The following SARS2 variants were observed in gnomAD, a reference collection of about 807,000 sequenced individuals.
SARS2 encodes the protein serine--tRNA ligase, mitochondrial.
A neutral mutation model predicts 66.8 loss-of-function variants in SARS2; 52 were observed. The ratio of observed to expected loss-of-function variants is 0.78; its 90% CI spans 0.62 to 0.98. The LOEUF is 0.98. Ranked by LOEUF, SARS2 falls within the 50% of genes least tolerant of loss-of-function variation. The probability of loss-of-function intolerance (pLI) is 0.00; values close to 1 mark genes in which losing one functional copy is unlikely to be tolerated. For missense variants in SARS2, 673 were observed against 706.3 expected (o/e 0.95, Z 0.53); for synonymous variants, 306 against 281.4 (o/e 1.09, Z -0.87).
intron 3 of SARS2, 189 bp downstream of exon 3, chr19:38,922,049 T>C (rs1213262195): frequency 1.3e-5 from 21 of 1,559,210 alleles, no homozygotes; most frequent in Non-Finnish European, 1.7e-5. Flanking sequence ...TAGGACCAAA[T>C]ATGGAGCCAG....
intron 2 of SARS2, among the ~76,000 whole-genome samples, chr19:38,922,469 G>A (rs1974554846): frequency 6.6e-6 from 1 of 152,200 alleles, no homozygotes; most frequent in Non-Finnish European, 1.5e-5. Flanking sequence ...AGTAATCACA[G>A]CCGCAGATCC....
chr19:38,929,563 A>C (rs1974693383), intron 1 of SARS2, among the ~76,000 whole-genome samples: 1 of 55,250 alleles, frequency 1.8e-5, no homozygotes, highest in African/African-American at 1.0e-4. Flanking sequence ...ACCCTATCTC[A>C]AAAAAAAAAA....
rs1280408820 is a variant in SARS2, at chr19:38,915,880, G to A, written c.1374C>T (p.Pro458=). 6.2e-7 allele frequency: 1 copy of A among 1,613,932 alleles called. No homozygotes were observed. The highest frequency in any genetic ancestry group is 1.1e-5 in the South Asian group (1 of 91,086). ...TCTCCAGGAGCGCGATGAGAAGGCG[G>A]GGGACAGCACAGGCGGTGGCGTTCA... ...HTVNATACAV[P]RLLIALLESN... is the part of the protein sequence containing the mutation. Residue 458 remains proline, a synonymous_variant, in exon 15 of 16, where the codon CCC becomes CCT. Transcript: ENST00000221431.
chr19:38,928,834 T>C (rs1249114900), intron 1 of SARS2, among the ~76,000 whole-genome samples: 1 of 152,216 alleles, frequency 6.6e-6, no homozygotes, highest in African/African-American at 2.4e-5. Flanking sequence ...CAGATTATAA[T>C]GAGTATATCT....
chr19:38,916,237 C>T lies in SARS2; in HGVS notation c.1238G>A (p.Arg413Gln), dbSNP rs376256589. The T allele has an allele frequency of 6.8e-6, 11 of 1,613,918 alleles. No homozygotes were observed. The highest frequency in any genetic ancestry group is 3.3e-5 in the Admixed American group (2 of 60,012). The change falls in exon 13 of 16, where the codon CGA becomes CAA. Residue 413 changes from arginine (R) to glutamine (Q), a missense_variant. Arg to Gln is a conservative substitution (Grantham distance 43). Coordinates refer to ENST00000221431, the MANE Select transcript of SARS2 (RefSeq NM_017827.4). ...KFDIEAWMPG[R>Q]GRFGEVTSAS... ...AGGGCTCACCTCTCCAAAGCGGCCT[C>T]GGCCTGGCATCCAGGCCTCAATGTC...
At chr19:38,928,485 C>T (rs1335511685) in intron 1 of SARS2, 2 of 132,578 alleles carry the variant, frequency 1.5e-5, no homozygotes, top group African/African-American at 6.0e-5. Context: ...AATTAAAGAA[C>T]AAGAATGCAT....
chr19:38,926,292 T>C lies in SARS2; in HGVS notation c.276A>G (p.Thr92=), dbSNP rs1425937622. The C allele has an allele frequency of 4.4e-6, 7 of 1,603,906 alleles. No individual in the cohort carries two copies. Among genetic ancestry groups the C allele is most frequent in the Non-Finnish European group, 5.9e-6 (7 of 1,179,882 alleles). Residue 92 remains threonine, a synonymous_variant, in exon 2 of 16, where the codon ACA becomes ACG. Transcript: ENST00000221431. Reference sequence around the variant, plus strand: ...CCTGCAGCTGCCTCAGCTCCTGCCATGTCGAGATCTGGGGTGGATATAAGA... The same window carrying C: ...CCTGCAGCTGCCTCAGCTCCTGCCACGTCGAGATCTGGGGTGGATATAAGA... ...RSADLPAIIS[T]WQELRQLQEQ... is the part of the protein sequence containing the mutation.
chr19:38,930,166 G>A (rs1837917013), intron 1 of SARS2: 3 of 373,544 alleles, frequency 8.0e-6, no homozygotes, highest in South Asian at 4.0e-5. Flanking sequence ...CTGGCATGAG[G>A]TTGCAGCACG....
chr19:38,917,970 T>C lies in SARS2; in HGVS notation c.1001A>G (p.Asn334Ser). The C allele has an allele frequency of 6.2e-7, 1 of 1,607,096 alleles. No homozygotes were observed. The highest frequency in any genetic ancestry group is 8.5e-7 in the Non-Finnish European group (1 of 1,176,640). ...CSSTCYRAET[N>S]TGQEPRGLYR... ...CAGCCCCCGGGGTTCCTGTCCCGTG[T>C]TTGTCTCTGCCCGGTAGCAGGTGCT... is the stretch of plus-strand genomic sequence containing the variant. The change falls in exon 11 of 16, where the codon AAC becomes AGC. Residue 334 changes from asparagine to serine, a missense_variant. By Grantham distance (46) the Asn-to-Ser change is conservative. Transcript: ENST00000221431.
chr19:38,930,386 G>A, intron 1 of SARS2, 84 bp downstream of exon 1: 2 of 1,483,770 alleles, frequency 1.3e-6, no homozygotes, highest in Non-Finnish European at 1.8e-6. Flanking sequence ...CTACAGGTTC[G>A]CCCCCTGCCG....
intron 2 of SARS2, 23 bp downstream of exon 2, chr19:38,926,182 C>A (rs1298258953): frequency 1.3e-6 from 2 of 1,593,752 alleles, no homozygotes; most frequent in Non-Finnish European, 1.7e-6. Flanking sequence ...CCACTCCCCA[C>A]CTACTCAGGG....
intron 2 of SARS2, among the ~76,000 whole-genome samples, chr19:38,924,081 G>A (rs1034228927): frequency 6.6e-6 from 1 of 151,758 alleles, no homozygotes; most frequent in Non-Finnish European, 1.5e-5. Context: ...GCAGTGAGCC[G>A]AGATCGTGCC....
Position 38,919,866 on chromosome 19 carries a change from G to A in SARS2, c.655C>T (p.Arg219Cys), listed in dbSNP as rs770920558. The change falls in exon 7 of 16, where the codon CGC becomes TGC. Residue 219 changes from arginine to cysteine, a missense_variant and splice_region_variant. Arg to Cys is a radical substitution (Grantham distance 180, BLOSUM62 -3). Coordinates refer to ENST00000221431, the MANE Select transcript of SARS2 (RefSeq NM_017827.4). ...GEKLDIIRQK[R>C]LSHVSGHRSY... ...CGGTGGCCAGACACGTGGGACAGGC[G>A]CCTGGGAGACAGACAGACAGGCGGG... 3.7e-6 allele frequency: 6 copies of A among 1,613,494 alleles called. No individual in the cohort carries two copies. The highest frequency in any genetic ancestry group is 2.2e-5 in the South Asian group (2 of 91,018).
intron 1 of SARS2, among the ~76,000 whole-genome samples, chr19:38,929,147 G>T (rs1390071488): frequency 6.7e-6 from 1 of 150,238 alleles, no homozygotes; most frequent in African/African-American, 2.5e-5. Context: ...AACCTGGGAG[G>T]CAGAAGTCGC....
chr19:38,928,428 CA>C (rs59346548), intron 1 of SARS2: 84,688 of 121,460 alleles, frequency 0.7, 28,639 homozygotes, highest in East Asian at 0.9. Flanking sequence ...CCCCCCCCCG[CA>C]AAAAAAAAAA....
chr19:38,918,020 C>T lies in SARS2; in HGVS notation c.963-12G>A, dbSNP rs1379724021. Reference sequence around the variant, plus strand: ...TGGAGCAAACCATCCTGGCAGAGAGCAGGGAAAGTCGGGTCAAGGAGGGAA... The same window carrying T: ...TGGAGCAAACCATCCTGGCAGAGAGTAGGGAAAGTCGGGTCAAGGAGGGAA... On this transcript the variant is annotated splice_polypyrimidine_tract_variant and intron_variant, in intron 10 of 15. Coordinates refer to ENST00000221431, the MANE Select transcript of SARS2 (RefSeq NM_017827.4). 1.3e-6 allele frequency: 2 copies of T among 1,599,160 alleles called. No individual in the cohort carries two copies. Among genetic ancestry groups the T allele is most frequent in the Non-Finnish European group, 1.7e-6 (2 of 1,172,742 alleles).
chr19:38,917,459 G>T (rs898554209), intron 12 of SARS2, among the ~76,000 whole-genome samples: 1 of 152,226 alleles, frequency 6.6e-6, no homozygotes, highest in African/African-American at 2.4e-5. Flanking sequence ...CCCAGAGAGA[G>T]GGGGAGCAGC....
chr19:38,922,311 G>A (rs762458029), intron 2 of SARS2, 44 bp from the exon 3 acceptor site: 3 of 1,601,398 alleles, frequency 1.9e-6, no homozygotes, highest in Non-Finnish European at 1.7e-6. Context: ...TGACAAAGTC[G>A]AGGGTGGGGA....
At chr19:38,929,301 T>C (rs1166822982) in intron 1 of SARS2, among the ~76,000 whole-genome samples, 6 of 150,776 alleles carry the variant, frequency 4.0e-5, no homozygotes. Context: ...ATGCCTGTAA[T>C]CTCAGCATTT....
Sources: gnomAD v4.1 joint callset for allele counts (sites outside exome capture counted in the v4.1 genomes callset) on GRCh38, gnomAD v4.1.1 for gene constraint, MANE v1.5 for transcripts, NCBI Gene and HGNC (gene_info 2026-07-23, HGNC 2026-07-21) for gene names.